The following USP54 variants were observed in gnomAD, a reference collection of about 807,000 sequenced individuals.
The protein encoded by USP54 is ubiquitin carboxyl-terminal hydrolase 54.
In USP54, 87 loss-of-function variants were observed where a neutral mutation model predicts 170.5. The ratio of observed to expected loss-of-function variants is 0.51; its 90% CI spans 0.43 to 0.61. USP54 has a LOEUF of 0.61. USP54 is among the 20% of genes least tolerant of loss of function. The pLI, the probability that USP54 is intolerant of heterozygous loss-of-function variation, is 0.00. For synonymous variants in USP54, 655 were observed against 742.8 expected (o/e 0.88, Z 1.92); for missense variants, 1,786 against 2,047.8 (o/e 0.87, Z 2.47).
At chr10:73,568,511 G>A (rs1431100344) in intron 4 of USP54, among the ~76,000 whole-genome samples, 3 of 151,954 alleles carry the variant, frequency 2.0e-5, no homozygotes, top group African/African-American at 4.8e-5. Flanking sequence ...TAGAAACAAC[G>A]CCATCTAAAA....
At position 73,498,453 on chromosome 10, in the gene USP54, T is replaced by C. The variant is rs2057395201; in HGVS notation, c.*176A>G. The C allele has an allele frequency of 2.1e-6, 1 of 472,496 alleles. No homozygotes were observed. Among genetic ancestry groups the C allele is most frequent in the Non-Finnish European group, 3.5e-6 (1 of 287,124 alleles). The allele number at this position is 472,496 out of a possible 1,614,324, so 29.3% of individuals were successfully genotyped here. The stretch of plus-strand genomic sequence containing the variant: ...GTCACGCCTGGCTAATTTTTTGTAT[T>C]TTGGTAGAGACGGGGTTTCACCATG... On this transcript the variant is annotated 3_prime_UTR_variant, in exon 24 of 24. Coordinates refer to ENST00000687698, the MANE Select transcript of USP54 (RefSeq NM_001391956.1).
At chr10:73,574,726 G>A (rs1283263715) in intron 3 of USP54, among the ~76,000 whole-genome samples, 4 of 151,900 alleles carry the variant, frequency 2.6e-5, no homozygotes, top group South Asian at 4.2e-4. Flanking sequence ...GCAGTGAGCC[G>A]AGATCGCTCA....
intron 1 of USP54, among the ~76,000 whole-genome samples, chr10:73,607,325 AAAAAAAAAAAAG>A (rs1338030440): frequency 1.1e-4 from 10 of 93,298 alleles, no homozygotes; most frequent in Admixed American, 2.2e-4. Flanking sequence ...TTGCTTAAAA[AAAAAAAAAAAAG>A]AAAAAAAAAA....
intron 1 of USP54, among the ~76,000 whole-genome samples, chr10:73,583,934 T>C (rs935584960): frequency 1.4e-4 from 22 of 152,208 alleles, no homozygotes; most frequent in Non-Finnish European, 2.8e-4. Flanking sequence ...TAGAGGTAAC[T>C]ATTTTTCCAA....
At chr10:73,606,175 C>CAAAAAAAAAA (rs1178699732) in intron 1 of USP54, among the ~76,000 whole-genome samples, 4 of 25,592 alleles carry the variant, frequency 1.6e-4, no homozygotes, top group East Asian at 9.8e-4. Context: ...GAGGCTGTCT[C>CAAAAAAAAAA]AAAAAAAAAA....
At chr10:73,527,911 TTTAG>T (rs1288235319) in intron 15 of USP54, among the ~76,000 whole-genome samples, 1 of 151,970 alleles carries the variant, frequency 6.6e-6, no homozygotes, top group Non-Finnish European at 1.5e-5. Flanking sequence ...CTTCTCTGAT[TTTAG>T]TATTACATAA....
rs200726563 is a variant in USP54, at chr10:73,613,280, T to G, written c.-18+12287A>C. ...CGGAGTAGCTGGGACTACAGGTGCA[T>G]GCCACCATGCCCAGCTAATTTTTGT... On this transcript the variant is annotated intron_variant, in intron 1 of 22. Transcript: ENST00000339859. Among the ~76,000 whole-genome samples, 12 of 151,666 alleles carry G rather than the reference T, an allele frequency of 7.9e-5. No individual in the cohort carries two copies. In the East Asian group the frequency reaches 2.2e-3, roughly 27 times the overall value.
chr10:73,585,439 C>T lies in USP54; in HGVS notation c.-582+5839G>A, dbSNP rs115945691. On this transcript the variant is annotated intron_variant, in intron 1 of 23. Coordinates refer to ENST00000687698, the MANE Select transcript of USP54 (RefSeq NM_001391956.1). ...CAGGGAGCTTACGATCATGACAGAC[C>T]GCAAAGGGAAGCCCAGGTGTCACAT... 1.9e-3 allele frequency among the ~76,000 whole-genome samples: 284 copies of T among 152,240 alleles called. 2 individuals carry two copies. Among genetic ancestry groups the T allele is most frequent in the African/African-American group, 6.6e-3 (273 of 41,532 alleles).
intron 1 of USP54, among the ~76,000 whole-genome samples, chr10:73,604,933 T>C (rs1589387558): frequency 6.6e-6 from 1 of 152,096 alleles, no homozygotes; most frequent in Non-Finnish European, 1.5e-5. Flanking sequence ...CTAGCTGGGG[T>C]GGACAGCTTT....
At chr10:73,623,943 C>T (rs907522887) in intron 1 of USP54, among the ~76,000 whole-genome samples, 1 of 151,804 alleles carries the variant, frequency 6.6e-6, no homozygotes, top group African/African-American at 2.4e-5. Flanking sequence ...CAGTACTTTA[C>T]ACATAACAGG....
intron 1 of USP54, among the ~76,000 whole-genome samples, chr10:73,585,011 C>T (rs1052318818): frequency 6.6e-6 from 1 of 152,188 alleles, no homozygotes; most frequent in Non-Finnish European, 1.5e-5. Flanking sequence ...CATTCCACAC[C>T]ATGTCACTCC....
chr10:73,579,958 C>T (rs576831836), intron 1 of USP54, among the ~76,000 whole-genome samples: 2 of 152,166 alleles, frequency 1.3e-5, no homozygotes, highest in African/African-American at 2.4e-5. Flanking sequence ...AACAAAAAAA[C>T]TTTTTAAACC....
chr10:73,541,225 C>A (rs2066534196), intron 9 of USP54, 150 bp downstream of exon 9: 2 of 1,164,218 alleles, frequency 1.7e-6, no homozygotes, highest in Non-Finnish European at 2.4e-6. Flanking sequence ...TACCTGCAAG[C>A]ACGGGTATCT....
Position 73,519,960 on chromosome 10 carries a change from AG to A in USP54, c.2514del (p.Cys839ValfsTer8). 1 of 1,612,656 alleles carries A rather than the reference AG, an allele frequency of 6.2e-7. No individual in the cohort carries two copies. The highest frequency in any genetic ancestry group is 8.5e-7 in the Non-Finnish European group (1 of 1,179,262). ...SKLRLALHGASCSTHSRALVD... is the reference protein window; with the variant it reads ...SKLRLALHGAXCSTHSRALVD... ...ACTAGGGCTCTGCTGTGCGTGCTACAGCTGGCACCATGCAGGGCAAGTCTTA... is the reference window on the plus strand; with the variant it reads ...ACTAGGGCTCTGCTGTGCGTGCTACACTGGCACCATGCAGGGCAAGTCTTA... On this transcript the variant is annotated frameshift_variant, in exon 19 of 24. Transcript: ENST00000687698. LOFTEE classifies it high-confidence loss of function.
intron 1 of USP54, chr10:73,624,502 C>A (rs2081371349): frequency 6.6e-6 from 1 of 151,410 alleles, no homozygotes; most frequent in Admixed American, 6.6e-5. Context: ...GTCACCGCGC[C>A]CAGCCAAAAA....
intron 19 of USP54, chr10:73,518,041 G>T: frequency 2.1e-6 from 1 of 470,244 alleles, no homozygotes; most frequent in Non-Finnish European, 2.8e-6. Context: ...TACCTGTGAA[G>T]TCGCATTCCA....
At chr10:73,504,823 G>C (rs1164570718) in intron 22 of USP54, 27 bp downstream of exon 22, 2 of 1,614,134 alleles carry the variant, frequency 1.2e-6, no homozygotes, top group East Asian at 2.2e-5. Context: ...AGGGTGCTCT[G>C]AATAGATGGA....
Position 73,571,482 on chromosome 10 carries a change from C to T in USP54, c.179G>A (p.Ser60Asn). Residue 60 changes from serine (S) to asparagine (N), a missense_variant, in exon 4 of 24, where the codon AGC (serine) becomes AAC (asparagine). Ser to Asn is a conservative substitution (Grantham distance 46). Around this residue, in one of 3 missense-constraint regions of USP54, gnomAD observed 361 missense variants for 455.0 expected, o/e 0.79. Coordinates refer to ENST00000687698, the MANE Select transcript of USP54 (RefSeq NM_001391956.1). ...CTTGTGAGTTGTAAGCTGCCTAAAG[C>T]TACGTCGGAAGATATCCAAGTGCCA... ...VLWHLDIFRR[S>N]FRQLTTHKCM... 6.2e-7 allele frequency: 1 copy of T among 1,613,882 alleles called. No homozygotes were observed. Among genetic ancestry groups the T allele is most frequent in the Non-Finnish European group, 8.5e-7 (1 of 1,179,930 alleles).
At chr10:73,538,484 T>C (rs532361527) in intron 10 of USP54, 1 of 150,770 alleles carries the variant, frequency 6.6e-6, no homozygotes, top group African/African-American at 2.4e-5. Flanking sequence ...GAAGAAAAAC[T>C]ATTTTCTAGA....
Sources: gnomAD v4.1 joint callset for allele counts (sites outside exome capture counted in the v4.1 genomes callset) on GRCh38, gnomAD v4.1.1 for gene constraint, gnomAD v4.1.1 regional missense constraint, MANE v1.5 for transcripts, NCBI Gene and HGNC (gene_info 2026-07-23, HGNC 2026-07-21) for gene names.